TENM2: variants seen among roughly 807,000 people sequenced by gnomAD.
The protein encoded by TENM2 is teneurin transmembrane protein 2, also known as teneurin-2.
Under a neutral mutation model 245.2 loss-of-function variants are expected in TENM2, and 52 were observed. That is an observed-to-expected ratio of 0.21 (90% confidence interval 0.17 to 0.27). The LOEUF (loss-of-function observed/expected upper bound fraction) is 0.27. Among genes scored for constraint, TENM2 ranks in the 10% least tolerant of loss-of-function variants. The pLI is 1.00. For missense variants in TENM2, 3,046 were observed against 3,666.8 expected, an observed-to-expected ratio of 0.83 and a Z score of 4.37; for synonymous variants, 1,363 against 1,438.9, an observed-to-expected ratio of 0.95 and a Z score of 1.19.
chr5:167,964,492 G>A (rs1426543700), intron 4 of TENM2, among the ~76,000 whole-genome samples: 6 of 152,194 alleles, frequency 3.9e-5, no homozygotes, highest in African/African-American at 1.4e-4. Flanking sequence ...TCTAGAAATA[G>A]CTATGAGAAC....
Position 167,626,850 on chromosome 5 carries a change from T to C in TENM2, c.503-249136T>C, listed in dbSNP as rs530979150. 1.2e-3 allele frequency among the ~76,000 whole-genome samples: 182 copies of C among 152,264 alleles called. 1 individual carries two copies. Among genetic ancestry groups the C allele is most frequent in the African/African-American group, 4.2e-3 (174 of 41,560 alleles). ...AACTGACAAGGACAGTCTGGTTCTG[T>C]AGCTGCATCCCCAAAGGCAGTAACA... On this transcript the variant is annotated intron_variant, in intron 2 of 28. Transcript: ENST00000518659.
intron 23 of TENM2, among the ~76,000 whole-genome samples, chr5:168,221,788 C>T (rs1763692101): frequency 1.3e-5 from 2 of 152,028 alleles, no homozygotes; most frequent in South Asian, 4.2e-4. Context: ...ACAGTCTTCC[C>T]CAAAAGGCAG....
downstream of TENM2, chr5:168,263,684 T>C (rs1478554904): frequency 8.5e-5 from 13 of 152,744 alleles, no homozygotes; most frequent in East Asian, 2.3e-3. Flanking sequence ...GGAGATTCCA[T>C]TGTGGACAGT....
chr5:167,097,347 C>A, the TENM2 span, among the ~76,000 whole-genome samples: 2 of 152,170 alleles, frequency 1.3e-5, no homozygotes, highest in African/African-American at 4.8e-5. Context: ...GCTGCCATCA[C>A]CAATATTTAA....
At chr5:168,185,318 GGTGGGTATAGA>G (rs1760290672) in intron 13 of TENM2, 1 of 152,218 alleles carries the variant, frequency 6.6e-6, no homozygotes, top group South Asian at 2.1e-4. Flanking sequence ...ATCCTCTATA[GGTGGGTATAGA>G]GTGGGTGGCA....
intron 25 of TENM2, chr5:168,231,054 T>A (rs1348479551): frequency 2.0e-5 from 3 of 152,234 alleles, no homozygotes; most frequent in Admixed American, 6.5e-5. Context: ...CTCTGTGCAG[T>A]TGCTGCAGCA....
chr5:168,097,944 A>T, intron 8 of TENM2, 82 bp from the exon 11 acceptor site: 2 of 1,009,182 alleles, frequency 2.0e-6, no homozygotes, highest in South Asian at 1.5e-5. Flanking sequence ...ACTGGTCTTT[A>T]AAAGTGGCAA....
At chr5:168,236,990 A>C (rs1325745903) in intron 25 of TENM2, among the ~76,000 whole-genome samples, 1 of 3,344 alleles carries the variant, frequency 3.0e-4, no homozygotes, top group Non-Finnish European at 5.1e-4. Flanking sequence ...ATATATATAT[A>C]TATATATATA....
At chr5:167,924,717 A>G (rs1309804499) in intron 3 of TENM2, among the ~76,000 whole-genome samples, 4 of 152,178 alleles carry the variant, frequency 2.6e-5, no homozygotes, top group Non-Finnish European at 5.9e-5. Flanking sequence ...TAAAGGTTCC[A>G]CCTAGAGGCA....
intron 2 of TENM2, among the ~76,000 whole-genome samples, chr5:167,488,349 C>T (rs944746920): frequency 6.6e-6 from 1 of 152,082 alleles, no homozygotes; most frequent in Non-Finnish European, 1.5e-5. Context: ...CTTTAGAACC[C>T]ACCCTTCCAC....
chr5:167,405,955 G>A (rs1762616224), intron 2 of TENM2, among the ~76,000 whole-genome samples: 1 of 152,034 alleles, frequency 6.6e-6, no homozygotes, highest in Admixed American at 6.6e-5. Context: ...TAGATCCAAA[G>A]TGTTGTTTAT....
At chr5:167,000,866 T>A in the TENM2 span, among the ~76,000 whole-genome samples, 7 of 152,190 alleles carry the variant, frequency 4.6e-5, no homozygotes, top group Non-Finnish European at 1.0e-4. Flanking sequence ...AATTTACTTA[T>A]GTAAAAACCT....
chr5:167,878,579 G>A (rs949110240), intron 3 of TENM2, among the ~76,000 whole-genome samples: 2 of 57,570 alleles, frequency 3.5e-5, no homozygotes, highest in Non-Finnish European at 1.3e-4. Flanking sequence ...ACGTCTGTGT[G>A]TGTGTGTGTG....
At chr5:167,481,637 A>G (rs948771296) in intron 2 of TENM2, among the ~76,000 whole-genome samples, 5 of 152,134 alleles carry the variant, frequency 3.3e-5, no homozygotes, top group Non-Finnish European at 5.9e-5. Context: ...GTGAACAGCC[A>G]TTTTCAAAGA....
intron 2 of TENM2, among the ~76,000 whole-genome samples, chr5:167,594,345 T>C (rs1776062839): frequency 6.6e-6 from 1 of 152,204 alleles, no homozygotes; most frequent in South Asian, 2.1e-4. Context: ...GCACATGGTA[T>C]TTTATTTTAA....
Position 167,294,855 on chromosome 5 carries a change from C to T in TENM2, c.226+9792C>T, listed in dbSNP as rs548347520. ...AGCTCTCACAATTGCAAAAATATCA[C>T]GGATCTTCCTATGTCTATTTTTTTC... On this transcript the variant is annotated intron_variant, in intron 1 of 28. Coordinates refer to ENST00000518659, the Ensembl canonical transcript of TENM2. 2.6e-5 allele frequency among the ~76,000 whole-genome samples: 4 copies of T among 152,300 alleles called. No individual in the cohort carries two copies. In the South Asian group the frequency reaches 6.2e-4, roughly 24 times the overall value.
At position 168,248,405 on chromosome 5, in the gene TENM2, T is replaced by C. The variant is rs372502856; in HGVS notation, c.7432+34T>C. 3.8e-6 allele frequency: 6 copies of C among 1,588,720 alleles called. No individual in the cohort carries two copies. The African/African-American group carries it at 8.0e-5, about 21-fold the overall frequency. On this transcript the variant is annotated intron_variant, in intron 27 of 28. Transcript: ENST00000518659. Reference sequence around the variant, plus strand: ...TCTGCCACCAAAGGTGGGCAGTGGCTCCCTCCAGGGTACTTGTTGCTGTGG... The same window carrying C: ...TCTGCCACCAAAGGTGGGCAGTGGCCCCCTCCAGGGTACTTGTTGCTGTGG...
intron 2 of TENM2, among the ~76,000 whole-genome samples, chr5:167,443,368 C>T (rs900861968): frequency 6.6e-6 from 1 of 152,032 alleles, no homozygotes; most frequent in African/African-American, 2.4e-5. Flanking sequence ...AAATCCCATT[C>T]GTTTATGTAT....
intron 5 of TENM2, among the ~76,000 whole-genome samples, chr5:168,034,430 G>T (rs1035588646): frequency 6.6e-6 from 1 of 151,500 alleles, no homozygotes; most frequent in Non-Finnish European, 1.5e-5. Flanking sequence ...AAGTGGTGTG[G>T]TTATAAAATA....
Sources: gnomAD v4.1 joint callset for allele counts (sites outside exome capture counted in the v4.1 genomes callset) on GRCh38, gnomAD v4.1.1 for gene constraint, MANE v1.5 for transcripts, NCBI Gene and HGNC (gene_info 2026-07-23, HGNC 2026-07-21) for gene names.